ADAMTS12: variants seen among roughly 807,000 people sequenced by gnomAD.
ADAMTS12 encodes the protein ADAM metallopeptidase with thrombospondin type 1 motif 12.
Under a neutral mutation model 167.8 loss-of-function variants are expected in ADAMTS12, and 118 were observed. That is an observed-to-expected ratio of 0.70 (90% CI 0.61 to 0.82). The LOEUF (loss-of-function observed/expected upper bound fraction) is 0.82. Among genes scored for constraint, ADAMTS12 ranks in the 40% least tolerant of loss-of-function variants. The pLI, the probability that ADAMTS12 is intolerant of heterozygous loss-of-function variation, is 0.00. For synonymous variants in ADAMTS12, 704 were observed against 716.9 expected (o/e 0.98, Z 0.29); for missense variants, 1,916 against 1,998.8 (o/e 0.96, Z 0.79).
intron 2 of ADAMTS12, among the ~76,000 whole-genome samples, chr5:33,818,852 T>C (rs2112498802): frequency 6.6e-6 from 1 of 152,306 alleles, no homozygotes; most frequent in Non-Finnish European, 1.5e-5. Flanking sequence ...TTCAGTACTT[T>C]TTCATATAAC....
At chr5:33,549,678 C>T (rs1040725909) in intron 20 of ADAMTS12, among the ~76,000 whole-genome samples, 1 of 152,238 alleles carries the variant, frequency 6.6e-6, no homozygotes. Flanking sequence ...ATCATAACTG[C>T]TACCTCCCAG....
chr5:33,584,459 C>T (rs748832794), intron 18 of ADAMTS12, among the ~76,000 whole-genome samples: 2 of 151,990 alleles, frequency 1.3e-5, no homozygotes, highest in East Asian at 3.9e-4. Context: ...AATGAATGAG[C>T]TCCCTGAGCT....
intron 17 of ADAMTS12, among the ~76,000 whole-genome samples, chr5:33,595,156 C>CT (rs907809724): frequency 4.0e-5 from 6 of 151,606 alleles, no homozygotes; most frequent in Non-Finnish European, 5.9e-5. Flanking sequence ...TTTTTCCTTT[C>CT]TTTTTTTTCT....
intron 2 of ADAMTS12, among the ~76,000 whole-genome samples, chr5:33,773,290 T>C (rs1449936857): frequency 6.6e-6 from 1 of 152,226 alleles, no homozygotes; most frequent in African/African-American, 2.4e-5. Flanking sequence ...GATTAGAGCT[T>C]CCTATAATAG....
intron 1 of ADAMTS12, among the ~76,000 whole-genome samples, chr5:33,885,628 A>T (rs938947108): frequency 1.3e-5 from 2 of 152,254 alleles, no homozygotes; most frequent in South Asian, 2.1e-4. Flanking sequence ...AAGGCATGCC[A>T]GTGCCCCATG....
chr5:33,835,237 G>T lies in ADAMTS12; in HGVS notation c.489+45882C>A, dbSNP rs552758061. ...GACCGTAAGACCAAAAGGCAGGGGGGCCATGTCTGTTTTACTGTATCCCCA... is the reference window on the plus strand; with the variant it reads ...GACCGTAAGACCAAAAGGCAGGGGGTCCATGTCTGTTTTACTGTATCCCCA... On this transcript the variant is annotated intron_variant, in intron 2 of 23. Transcript: ENST00000504830. Among the ~76,000 whole-genome samples, 5 of 152,254 alleles carry T rather than the reference G, an allele frequency of 3.3e-5. No individual in the cohort carries two copies. The East Asian group carries it at 7.7e-4, about 23-fold the overall frequency.
chr5:33,764,741 T>C (rs372165090), intron 2 of ADAMTS12, among the ~76,000 whole-genome samples: 7 of 152,084 alleles, frequency 4.6e-5, no homozygotes, highest in African/African-American at 1.2e-4. Context: ...AGCTTTAAAA[T>C]TGGGGAAAAT....
rs374868889 is a variant in ADAMTS12, at chr5:33,735,549, T to C, written c.634+15855A>G. On this transcript the variant is annotated intron_variant, in intron 3 of 23. Transcript: ENST00000504830. ...TAGCTATCAGGCTGTACAAAACAGA[T>C]GGCACGCTGAATTTGGCTTATGGAC... Among the ~76,000 whole-genome samples the C allele has an allele frequency of 6.6e-5, 10 of 152,330 alleles. No homozygotes were observed. The East Asian group carries it at 7.7e-4, about 12-fold the overall frequency.
chr5:33,590,510 C>T (rs1004136975), intron 17 of ADAMTS12, among the ~76,000 whole-genome samples: 1 of 152,170 alleles, frequency 6.6e-6, no homozygotes, highest in African/African-American at 2.4e-5. Flanking sequence ...AGGACATGAA[C>T]GTTTGTCCTC....
intron 2 of ADAMTS12, among the ~76,000 whole-genome samples, chr5:33,865,800 C>T (rs1384877918): frequency 6.6e-6 from 1 of 152,172 alleles, no homozygotes; most frequent in Admixed American, 6.5e-5. Flanking sequence ...ATATCAGTAG[C>T]ATTGCTATAC....
chr5:33,657,363 C>G (rs1024380982), intron 7 of ADAMTS12, among the ~76,000 whole-genome samples: 1 of 152,170 alleles, frequency 6.6e-6, no homozygotes, highest in Non-Finnish European at 1.5e-5. Context: ...GGATACATGA[C>G]AGGCAGGGGA....
chr5:33,529,694 T>G (rs1282964949), intron 23 of ADAMTS12, among the ~76,000 whole-genome samples: 1 of 152,198 alleles, frequency 6.6e-6, no homozygotes, highest in South Asian at 2.1e-4. Context: ...TAACTGTGCC[T>G]TATTTTTGTG....
At chr5:33,745,080 A>C (rs556990078) in intron 3 of ADAMTS12, among the ~76,000 whole-genome samples, 29 of 152,328 alleles carry the variant, frequency 1.9e-4, no homozygotes, top group African/African-American at 7.0e-4. Flanking sequence ...GGCCTACCAT[A>C]GCACTGGCAT....
rs554774759 is a variant in ADAMTS12, at chr5:33,819,093, G to A, written c.489+62026C>T. On this transcript the variant is annotated intron_variant, in intron 2 of 23. Coordinates refer to ENST00000504830, the MANE Select transcript of ADAMTS12 (RefSeq NM_030955.4). ...TGTGCAAAGCTTTGTACTTTGATGT[G>A]GTCCTATTTATTTATTTTTGCTTTT... 3.9e-4 allele frequency among the ~76,000 whole-genome samples: 60 copies of A among 152,010 alleles called. 1 individual carries two copies. The highest frequency in any genetic ancestry group is 1.1e-3 in the African/African-American group (47 of 41,512).
Position 33,549,281 on chromosome 5 carries a change from C to G in ADAMTS12, c.4228G>C (p.Gly1410Arg). ...CTCATGCTCAATGGGGGAGGAATGC[C>G]GGCCAGGAACTGGCAGTGAAATGGC... ...LRPFHCQFLA[G>R]IPPPLSMSCN... The change falls in exon 21 of 24, where the codon GGC (glycine) becomes CGC (arginine). Residue 1410 changes from glycine to arginine, a missense_variant. Transcript: ENST00000504830. The G allele has an allele frequency of 6.2e-7, 1 of 1,614,220 alleles. No homozygotes were observed. Among genetic ancestry groups the G allele is most frequent in the Non-Finnish European group, 8.5e-7 (1 of 1,180,038 alleles).
intron 20 of ADAMTS12, among the ~76,000 whole-genome samples, chr5:33,555,076 T>A (rs995670509): frequency 2.0e-5 from 3 of 152,196 alleles, no homozygotes; most frequent in African/African-American, 7.2e-5. Flanking sequence ...AAAGGGGTTG[T>A]CAAATCAGCA....
intron 1 of ADAMTS12, among the ~76,000 whole-genome samples, chr5:33,888,714 G>A (rs1263465037): frequency 3.9e-5 from 6 of 152,178 alleles, no homozygotes; most frequent in Admixed American, 2.0e-4. Context: ...TTTGTAAACA[G>A]CATAGGGGTA....
chr5:33,873,545 T>C (rs1264097090), intron 2 of ADAMTS12, among the ~76,000 whole-genome samples: 1 of 152,210 alleles, frequency 6.6e-6, no homozygotes, highest in East Asian at 1.9e-4. Flanking sequence ...GCAATTTACT[T>C]TGTGGATATT....
At chr5:33,557,137 A>T (rs79078288) in intron 20 of ADAMTS12, among the ~76,000 whole-genome samples, 3,090 of 152,350 alleles carry the variant, frequency 0.02, 61 homozygotes, top group Non-Finnish European at 0.026. Flanking sequence ...GTTCCTGGTG[A>T]GTAACCTGGA....
Sources: gnomAD v4.1 joint callset for allele counts (sites outside exome capture counted in the v4.1 genomes callset) on GRCh38, gnomAD v4.1.1 for gene constraint, MANE v1.5 for transcripts, NCBI Gene and HGNC (gene_info 2026-07-23, HGNC 2026-07-21) for gene names.